CTC1: variants seen among roughly 807,000 people sequenced by gnomAD.
CTC1 encodes the protein CST complex subunit CTC1.
A neutral mutation model predicts 136.3 loss-of-function variants in CTC1; 91 were observed. That is an observed-to-expected ratio of 0.67 (90% CI 0.56 to 0.79). CTC1 has a LOEUF of 0.79. Among genes scored for constraint, CTC1 ranks in the 30% least tolerant of loss-of-function variants. CTC1 has a pLI of 0.00. For missense variants in CTC1, 1,432 were observed against 1,498.1 expected, an observed-to-expected ratio of 0.96 and a Z score of 0.73; for synonymous variants, 606 against 613.8, an observed-to-expected ratio of 0.99 and a Z score of 0.19.
intron 2 of CTC1, among the ~76,000 whole-genome samples, chr17:8,242,030 TA>T (rs1177427012): frequency 1.1e-4 from 16 of 151,276 alleles, no homozygotes; most frequent in Non-Finnish European, 2.2e-4. Context: ...TAGTGATTAT[TA>T]TTATTATTTT....
rs761241839 is a variant in CTC1 at position 8,230,635 on chromosome 17, C to T, written c.2686G>A (p.Val896Met). The T allele has an allele frequency of 6.2e-7, 1 of 1,614,036 alleles. No individual in the cohort carries two copies. The change falls in exon 16 of 23, where the codon GTG (valine) becomes ATG (methionine). Residue 896 changes from valine to methionine, a missense_variant. Coordinates refer to ENST00000651323, the MANE Select transcript of CTC1 (RefSeq NM_025099.6). Reference protein sequence around the residue: ...LLSDNFTDSLVSFSAEILSRT... With the variant: ...LLSDNFTDSLMSFSAEILSRT... Reference sequence around the variant, plus strand: ...GACAAAATCTCAGCGGAGAAAGACACCAAGGAATCTGTGAAACTGGAAGGT... The same window carrying T: ...GACAAAATCTCAGCGGAGAAAGACATCAAGGAATCTGTGAAACTGGAAGGT...
chr17:8,238,743 T>C (rs565358078), intron 2 of CTC1, 114 bp from the exon 3 acceptor site: 1 of 738,958 alleles, frequency 1.4e-6, no homozygotes, highest in Non-Finnish European at 2.2e-6. Context: ...GAACATGGAC[T>C]AAGAGGTGAG....
rs761801157 is a variant in CTC1, at chr17:8,236,231, T to C, written c.904A>G (p.Ser302Gly). The C allele has an allele frequency of 1.2e-6, 2 of 1,614,234 alleles. No individual in the cohort carries two copies. The highest frequency in any genetic ancestry group is 1.7e-5 in the Admixed American group (1 of 60,022). Reference sequence around the variant, plus strand: ...AGCAGCAACAGACGGGAGGACTGACTGGTCATCCAAACATGCTGGCGCTGA... The same window carrying C: ...AGCAGCAACAGACGGGAGGACTGACCGGTCATCCAAACATGCTGGCGCTGA... ...RGQRQHVWMT[S>G]QSSRLLLLKP... The change falls in exon 6 of 23, where the codon AGT (serine) becomes GGT (glycine). Residue 302 changes from serine (S) to glycine (G), a missense_variant. Physicochemically the swap from Ser to Gly is moderately conservative, Grantham distance 56. Transcript: ENST00000651323.
rs774861804 is a variant in CTC1, at chr17:8,229,220, A to G, written c.3157-14T>C. The G allele has an allele frequency of 1.4e-5, 22 of 1,614,084 alleles. No homozygotes were observed. In the African/African-American group the frequency reaches 1.7e-4, roughly 13 times the overall value. The stretch of plus-strand genomic sequence containing the variant: ...AGTGCACTTTCCCTGGGATGAAGAC[A>G]GTGGTTGGAAAAGTCCTCTTGGTCC... On this transcript the variant is annotated splice_polypyrimidine_tract_variant and intron_variant, in intron 19 of 22. Coordinates refer to ENST00000651323, the MANE Select transcript of CTC1 (RefSeq NM_025099.6).
rs1304467669 is a variant in CTC1 at position 8,243,087 on chromosome 17, T to C, written c.95A>G (p.Lys32Arg). The C allele has an allele frequency of 6.2e-7, 1 of 1,614,080 alleles. No homozygotes were observed. Among genetic ancestry groups the C allele is most frequent in the South Asian group, 1.1e-5 (1 of 91,066 alleles). Residue 32 changes from lysine (K) to arginine (R), a missense_variant, in exon 2 of 23, where the codon AAG becomes AGG. Lys to Arg is a conservative substitution (Grantham distance 26, BLOSUM62 2). Coordinates refer to ENST00000651323, the MANE Select transcript of CTC1 (RefSeq NM_025099.6). ...FIQKTLCPAVKEPNVQLTPLV... is the reference protein window; with the variant it reads ...FIQKTLCPAVREPNVQLTPLV... The stretch of plus-strand genomic sequence containing the variant: ...TGGAGTCAACTGGACATTAGGCTCC[T>C]TGACAGCTGGACACAGGGTCTTTTG...
rs1987857020 is a variant in CTC1, at chr17:8,237,668, A to AT, written c.648-150_648-149insA. ...CAGCAGGAGTGAAACTACGTCTCAA[A>AT]AAAAAAAAAAAAAAAAAAAAAAAAA... On this transcript the variant is annotated intron_variant, in intron 4 of 22. Transcript: ENST00000651323. The AT allele has an allele frequency of 2.2e-5, 3 of 139,066 alleles. No individual in the cohort carries two copies. In the African/African-American group the frequency reaches 2.3e-4, roughly 11 times the overall value. The allele number at this position is 139,066 out of a possible 1,614,324, so 8.6% of individuals were successfully genotyped here.
At chr17:8,247,208 A>G (rs1055031657) in intron 1 of CTC1, among the ~76,000 whole-genome samples, 1 of 145,986 alleles carries the variant, frequency 6.8e-6, no homozygotes, top group African/African-American at 2.6e-5. Context: ...TGACCCCTCC[A>G]CCACCACCCA....
chr17:8,227,088 A>T lies in CTC1; in HGVS notation c.*1092T>A, dbSNP rs920471204. On this transcript the variant is annotated 3_prime_UTR_variant, in exon 23 of 23. Transcript: ENST00000651323. The stretch of plus-strand genomic sequence containing the variant: ...CCACTAACTTTCCGGGTCTACTTCA[A>T]ATCTTAATATAGGGTATTGCTACCA... 6.6e-6 allele frequency: 1 copy of T among 150,606 alleles called. No individual in the cohort carries two copies. The highest frequency in any genetic ancestry group is 1.5e-5 in the Non-Finnish European group (1 of 68,038). 9.3% of individuals were successfully genotyped at this position (150,606 alleles called of 1,614,324 possible).
Position 8,227,693 on chromosome 17 carries a change from A to G in CTC1, c.*487T>C, listed in dbSNP as rs1986844054. 1 of 154,038 alleles carries G rather than the reference A, an allele frequency of 6.5e-6. No homozygotes were observed. The highest frequency in any genetic ancestry group is 2.4e-5 in the African/African-American group (1 of 41,434). 9.5% of individuals were successfully genotyped at this position (154,038 alleles called of 1,614,324 possible). On this transcript the variant is annotated 3_prime_UTR_variant, in exon 23 of 23. Coordinates refer to ENST00000651323, the MANE Select transcript of CTC1 (RefSeq NM_025099.6). ...GCTGGACGAAAAGCTCTTCTCTTCCAAATCACTTTCCACCTTTGGCCCTGG... is the reference window on the plus strand; with the variant it reads ...GCTGGACGAAAAGCTCTTCTCTTCCGAATCACTTTCCACCTTTGGCCCTGG...
At position 8,235,126 on chromosome 17, in the gene CTC1, G is replaced by A. The variant is rs529158574; in HGVS notation, c.1366C>T (p.Leu456=). 1.7e-5 allele frequency: 28 copies of A among 1,614,182 alleles called. No homozygotes were observed. In the African/African-American group the frequency reaches 2.7e-4, roughly 15 times the overall value. The change falls in exon 8 of 23, where the codon CTG becomes TTG. Residue 456 remains leucine (L), a synonymous_variant. Coordinates refer to ENST00000651323, the MANE Select transcript of CTC1 (RefSeq NM_025099.6). ...AGTCCTAACTGACGTTCCCACACCAGCTGCTCGTACAGGGAGGCCCCGTAG... is the reference window on the plus strand; with the variant it reads ...AGTCCTAACTGACGTTCCCACACCAACTGCTCGTACAGGGAGGCCCCGTAG... ...QAYGASLYEQ[L]VWERQLGLPL... is the part of the protein sequence containing the mutation.
In CTC1 at chr17:8,243,151, G is replaced by C. The variant is rs755980269; in HGVS notation, c.34-3C>G. On this transcript the variant is annotated splice_region_variant and splice_polypyrimidine_tract_variant and intron_variant, in intron 1 of 22. Coordinates refer to ENST00000651323, the MANE Select transcript of CTC1 (RefSeq NM_025099.6). ...GCATCCTCAAGCCAGGCTTGTTCCT[G>C]AGGAAAGTGAATTTAGTTAAAACAT... is the stretch of plus-strand genomic sequence containing the variant. The C allele has an allele frequency of 6.2e-7, 1 of 1,610,382 alleles. No homozygotes were observed.
Position 8,236,107 on chromosome 17 carries a change from T to G in CTC1, c.1028A>C (p.Lys343Thr). The G allele has an allele frequency of 6.2e-7, 1 of 1,614,254 alleles. No homozygotes were observed. Among genetic ancestry groups the G allele is most frequent in the Non-Finnish European group, 8.5e-7 (1 of 1,180,044 alleles). ...CCGGACAAGACTTTCTGGATCCTTCTTGTCCTCCGAGTTGCTGGGCATGGG... is the reference window on the plus strand; with the variant it reads ...CCGGACAAGACTTTCTGGATCCTTCGTGTCCTCCGAGTTGCTGGGCATGGG... ...PLPMPSNSED[K>T]KDPESLVRYS... Residue 343 changes from lysine to threonine, a missense_variant, in exon 6 of 23, where the codon AAG (lysine) becomes ACG (threonine). Physicochemically the swap from Lys to Thr is moderately conservative, Grantham distance 78 (BLOSUM62 -1). Transcript: ENST00000651323.
At chr17:8,235,475 CCACT>C in intron 7 of CTC1, 190 bp from the exon 8 acceptor site, 2 of 607,290 alleles carry the variant, frequency 3.3e-6, no homozygotes, top group East Asian at 5.5e-5. Context: ...CCCATGAGCT[CCACT>C]CAGTCTTGCT....
At chr17:8,235,676 A>C (rs1157609646) in intron 7 of CTC1, among the ~76,000 whole-genome samples, 155 bp downstream of exon 7, 1 of 152,310 alleles carries the variant, frequency 6.6e-6, no homozygotes. Context: ...TTTTTATTTA[A>C]GCTTCTGTCC....
At position 8,236,178 on chromosome 17, in the gene CTC1, TTCCAGC is replaced by T. The variant is rs766700799; in HGVS notation, c.951_956del (p.Leu322_Glu323del). On this transcript the variant is annotated inframe_deletion, in exon 6 of 23. Transcript: ENST00000651323. ...CTAAGAGGGGTCCTTCCAGCTCCAGTTCCAGCTCCTGCACACATTCTGGTTTCAGCA... is the reference window on the plus strand; with the variant it reads ...CTAAGAGGGGTCCTTCCAGCTCCAGTTCCTGCACACATTCTGGTTTCAGCA... The T allele has an allele frequency of 6.2e-6, 10 of 1,614,168 alleles. No individual in the cohort carries two copies. In the African/African-American group the frequency reaches 1.2e-4, roughly 19 times the overall value.
intron 9 of CTC1, 33 bp from the exon 10 acceptor site, chr17:8,234,688 T>C (rs746150041): frequency 2.5e-6 from 4 of 1,588,888 alleles, no homozygotes; most frequent in Admixed American, 3.4e-5. Context: ...CGGGTGTGTG[T>C]CCCATGGGCC....
rs1470622773 is a variant in CTC1, at chr17:8,226,754, C to A, written c.*1426G>T. 2.0e-5 allele frequency: 3 copies of A among 152,288 alleles called. No individual in the cohort carries two copies. The East Asian group carries it at 5.8e-4, about 29-fold the overall frequency. 9.4% of individuals were successfully genotyped at this position (152,288 alleles called of 1,614,324 possible). On this transcript the variant is annotated 3_prime_UTR_variant, in exon 23 of 23. Coordinates refer to ENST00000651323, the MANE Select transcript of CTC1 (RefSeq NM_025099.6). ...ACTTCCCTTGACTGACAAACATCTG[C>A]CTCCATGAAAGCGCTTCAGGGAAAA...
rs1437451628 is a variant in CTC1 at position 8,236,322 on chromosome 17, C to A, written c.813G>T (p.Trp271Cys). The change falls in exon 6 of 23, where the codon TGG (tryptophan) becomes TGT (cysteine). Residue 271 changes from tryptophan to cysteine, a missense_variant. Transcript: ENST00000651323. Reference protein sequence around the residue: ...IIVQVPAQLVWHRALRPGTAY... With the variant: ...IIVQVPAQLVCHRALRPGTAY... ...CTGTACCAGGCCGAAGGGCTCTGTG[C>A]CACACCAGCTGGGCAGGGACCTGGC... 1 of 1,608,576 alleles carries A rather than the reference C, an allele frequency of 6.2e-7. No homozygotes were observed. Among genetic ancestry groups the A allele is most frequent in the East Asian group, 2.2e-5 (1 of 44,882 alleles).
chr17:8,234,674 A>C lies in CTC1; in HGVS notation c.1618-19T>G, dbSNP rs752942330. ...GAGTGTACTGTCAAGGAGGGAAGAG[A>C]AATCGGGTGTGTGTCCCATGGGCCC... On this transcript the variant is annotated intron_variant, in intron 9 of 22. Coordinates refer to ENST00000651323, the MANE Select transcript of CTC1 (RefSeq NM_025099.6). 1 of 1,596,040 alleles carries C rather than the reference A, an allele frequency of 6.3e-7. No homozygotes were observed. The highest frequency in any genetic ancestry group is 1.1e-5 in the South Asian group (1 of 88,924).
Sources: gnomAD v4.1 joint callset for allele counts (sites outside exome capture counted in the v4.1 genomes callset) on GRCh38, gnomAD v4.1.1 for gene constraint, MANE v1.5 for transcripts, NCBI Gene and HGNC (gene_info 2026-07-23, HGNC 2026-07-21) for gene names.